PIGU: variants seen among roughly 807,000 people sequenced by gnomAD.
The protein encoded by PIGU is GPI-anchor transamidase component PIGU.
In PIGU, 24 loss-of-function variants were observed where a neutral mutation model predicts 49.9. That is an observed-to-expected ratio of 0.48 (90% CI 0.35 to 0.68). PIGU has a LOEUF of 0.68. Ranked by LOEUF, PIGU falls within the 30% of genes least tolerant of loss-of-function variation. The pLI is 0.01. For synonymous variants in PIGU, 220 were observed against 205.7 expected (o/e 1.07, Z -0.59); for missense variants, 490 against 532.6 (o/e 0.92, Z 0.79).
At chr20:34,676,889 C>T in intron 1 of PIGU, 67 bp downstream of exon 1, 1 of 1,547,938 alleles carries the variant, frequency 6.5e-7, no homozygotes, top group Non-Finnish European at 8.7e-7. Context: ...CTGCCCCCGC[C>T]TCCCATTCAC....
rs1413852052 is a variant in PIGU at position 34,581,689 on chromosome 20, G to T, written c.927-17C>A. The T allele has an allele frequency of 1.3e-6, 2 of 1,587,906 alleles. No homozygotes were observed. The highest frequency in any genetic ancestry group is 1.7e-6 in the Non-Finnish European group (2 of 1,169,804). On this transcript the variant is annotated splice_polypyrimidine_tract_variant and intron_variant, in intron 9 of 11. Coordinates refer to ENST00000217446, the MANE Select transcript of PIGU (RefSeq NM_080476.5). ...GGGTGCTCCCTGGGGCAGGGCAGGG[G>T]AAAGAGAGAGAGAGATGAGTCAGGG...
At chr20:34,568,573 A>T (rs1276508314) in intron 11 of PIGU, among the ~76,000 whole-genome samples, 1 of 152,170 alleles carries the variant, frequency 6.6e-6, no homozygotes, top group Non-Finnish European at 1.5e-5. Context: ...CCACTCAGCC[A>T]CTAATGACCC....
At chr20:34,676,897 C>G in intron 1 of PIGU, 59 bp downstream of exon 1, 1 of 1,544,044 alleles carries the variant, frequency 6.5e-7, no homozygotes, top group Non-Finnish European at 8.8e-7. Flanking sequence ...GCCTCCCATT[C>G]ACAGAGGCCG....
At chr20:34,569,023 T>C (rs752696701) in intron 11 of PIGU, among the ~76,000 whole-genome samples, 75 of 151,984 alleles carry the variant, frequency 4.9e-4, no homozygotes, top group Non-Finnish European at 9.3e-4. Flanking sequence ...CGTAACAACA[T>C]AGCAAGACCC....
intron 7 of PIGU, among the ~76,000 whole-genome samples, chr20:34,596,581 CT>C: frequency 6.6e-6 from 1 of 152,048 alleles, no homozygotes; most frequent in Middle Eastern, 3.4e-3. Flanking sequence ...AAATAAAAAA[CT>C]TTTAAAAATG....
At position 34,657,179 on chromosome 20, in the gene PIGU, C is replaced by A; in HGVS notation, c.195+1G>T. The stretch of plus-strand genomic sequence containing the variant: ...CCAGAAAAGAAAATAAGAACACTTA[C>A]TTCATGAAATACTGCTCCAGAATAC... On this transcript the variant is annotated splice_donor_variant, in intron 2 of 11. Transcript: ENST00000217446. LOFTEE classifies it high-confidence loss of function. The A allele has an allele frequency of 6.2e-7, 1 of 1,606,750 alleles. No individual in the cohort carries two copies. The highest frequency in any genetic ancestry group is 8.5e-7 in the Non-Finnish European group (1 of 1,173,566).
intron 1 of PIGU, among the ~76,000 whole-genome samples, chr20:34,670,120 C>G (rs1312136721): frequency 1.3e-5 from 2 of 151,808 alleles, no homozygotes; most frequent in African/African-American, 4.8e-5. Flanking sequence ...AAAATGTTCA[C>G]CTTACAATAA....
At chr20:34,640,521 ACACACACACACACACC>A (rs1410366109) in intron 4 of PIGU, among the ~76,000 whole-genome samples, 8 of 117,950 alleles carry the variant, frequency 6.8e-5, no homozygotes, top group African/African-American at 1.7e-4. Context: ...ACACACACAC[ACACACACACACACACC>A]CCTTAAGAAA....
At chr20:34,673,315 A>C (rs1421549155) in intron 1 of PIGU, among the ~76,000 whole-genome samples, 9 of 151,892 alleles carry the variant, frequency 5.9e-5, no homozygotes, top group African/African-American at 2.2e-4. Context: ...CTACTTTACT[A>C]TTTTTAAATT....
intron 4 of PIGU, among the ~76,000 whole-genome samples, chr20:34,641,850 A>G (rs977725687): frequency 5.9e-5 from 9 of 152,228 alleles, no homozygotes; most frequent in African/African-American, 2.2e-4. Flanking sequence ...AATTTTTGAC[A>G]GAGCATACAT....
At chr20:34,649,982 G>A (rs1986478649) in intron 2 of PIGU, among the ~76,000 whole-genome samples, 1 of 151,658 alleles carries the variant, frequency 6.6e-6, no homozygotes, top group Admixed American at 6.6e-5. Context: ...CCAAGTAGCA[G>A]GGACTACAGG....
rs372672726 is a variant in PIGU at position 34,594,388 on chromosome 20, C to G, written c.628-5781G>C. ...AAACTATGGTATATTCACACAATGG[C>G]GTACTACACAGCCTTAAAAAAGAAT... On this transcript the variant is annotated intron_variant, in intron 7 of 11. Transcript: ENST00000217446. 1.7e-4 allele frequency among the ~76,000 whole-genome samples: 26 copies of G among 152,160 alleles called. No individual in the cohort carries two copies. In the East Asian group the frequency reaches 4.4e-3, roughly 26 times the overall value.
At chr20:34,608,071 CTTTT>C (rs10555161) in intron 7 of PIGU, among the ~76,000 whole-genome samples, 5 of 123,810 alleles carry the variant, frequency 4.0e-5, no homozygotes, top group Non-Finnish European at 5.0e-5. Flanking sequence ...GGAGACATGA[CTTTT>C]TTTTTTTTTT....
chr20:34,588,776 C>T (rs1415431711), intron 7 of PIGU, among the ~76,000 whole-genome samples, 169 bp from the exon 8 acceptor site: 1 of 152,132 alleles, frequency 6.6e-6, no homozygotes, highest in Non-Finnish European at 1.5e-5. Context: ...AAAGGTATTA[C>T]GGGTGCATCC....
chr20:34,582,485 G>C (rs1263231812), intron 9 of PIGU, among the ~76,000 whole-genome samples: 1 of 152,042 alleles, frequency 6.6e-6, no homozygotes, highest in Non-Finnish European at 1.5e-5. Flanking sequence ...TTTGAGACCA[G>C]CCTAGGCAAC....
intron 2 of PIGU, among the ~76,000 whole-genome samples, chr20:34,645,546 C>A (rs1986316311): frequency 6.6e-6 from 1 of 152,198 alleles, no homozygotes; most frequent in Admixed American, 6.6e-5. Flanking sequence ...CTGGGACTAT[C>A]TGTTGAATTG....
At chr20:34,582,884 C>T (rs779135271) in intron 9 of PIGU, among the ~76,000 whole-genome samples, 24 of 152,188 alleles carry the variant, frequency 1.6e-4, no homozygotes, top group Admixed American at 3.9e-4. Context: ...AGCTCAATCT[C>T]GGTGCCCCTC....
At chr20:34,574,529 G>A (rs950002664) in intron 11 of PIGU, among the ~76,000 whole-genome samples, 1 of 152,152 alleles carries the variant, frequency 6.6e-6, no homozygotes, top group African/African-American at 2.4e-5. Context: ...TCCTCAGCCT[G>A]TGACCACAGC....
At chr20:34,645,633 C>T (rs1231453069) in intron 2 of PIGU, among the ~76,000 whole-genome samples, 3 of 152,142 alleles carry the variant, frequency 2.0e-5, no homozygotes, top group Non-Finnish European at 2.9e-5. Flanking sequence ...CGGTGGCTCA[C>T]GCCTGTAATC....
Sources: gnomAD v4.1 joint callset for allele counts (sites outside exome capture counted in the v4.1 genomes callset) on GRCh38, gnomAD v4.1.1 for gene constraint, MANE v1.5 for transcripts, NCBI Gene and HGNC (gene_info 2026-07-23, HGNC 2026-07-21) for gene names.